The following PLCB1 variants were observed in gnomAD, a reference collection of about 807,000 sequenced individuals.
The protein encoded by PLCB1 is 1-phosphatidylinositol 4,5-bisphosphate phosphodiesterase beta-1.
A neutral mutation model predicts 161.8 loss-of-function variants in PLCB1; 46 were observed. The ratio of observed to expected loss-of-function variants is 0.28; its 90% CI spans 0.22 to 0.36. The LOEUF is 0.36. Ranked by LOEUF, PLCB1 falls within the 10% of genes least tolerant of loss-of-function variation. The probability of loss-of-function intolerance (pLI) is 1.00; values close to 1 mark genes in which losing one functional copy is unlikely to be tolerated. For synonymous variants in PLCB1, 517 were observed against 503.7 expected, an observed-to-expected ratio of 1.03 and a Z score of -0.35; for missense variants, 1,016 against 1,472.5, an observed-to-expected ratio of 0.69 and a Z score of 5.07.
chr20:8,354,342 A>G (rs1419972266), intron 2 of PLCB1, among the ~76,000 whole-genome samples: 12 of 152,204 alleles, frequency 7.9e-5, no homozygotes, highest in African/African-American at 2.4e-4. Flanking sequence ...ACAAAATCTA[A>G]AAGTGGACCA....
At chr20:8,863,931 G>T (rs576926562) in intron 31 of PLCB1, among the ~76,000 whole-genome samples, 1 of 152,126 alleles carries the variant, frequency 6.6e-6, no homozygotes, top group Non-Finnish European at 1.5e-5. Context: ...GATTAAGTTG[G>T]TAGGGTTTCT....
At chr20:8,190,666 C>A (rs2051959797) in intron 2 of PLCB1, among the ~76,000 whole-genome samples, 1 of 152,080 alleles carries the variant, frequency 6.6e-6, no homozygotes, top group Non-Finnish European at 1.5e-5. Context: ...GCCTTCTATT[C>A]TCAGGGCCCA....
chr20:8,538,320 TG>T (rs913312749), intron 3 of PLCB1, among the ~76,000 whole-genome samples: 148 of 152,354 alleles, frequency 9.7e-4, no homozygotes, highest in African/African-American at 3.4e-3. Context: ...AGCATTATTT[TG>T]CTTTCTTTGT....
chr20:8,620,520 A>G (rs2123195333), intron 3 of PLCB1, among the ~76,000 whole-genome samples: 1 of 152,144 alleles, frequency 6.6e-6, no homozygotes, highest in East Asian at 1.9e-4. Flanking sequence ...TGGACAGATC[A>G]CTTGAGGCCA....
At chr20:8,710,608 G>A (rs1043020878) in intron 12 of PLCB1, among the ~76,000 whole-genome samples, 30 of 136,780 alleles carry the variant, frequency 2.2e-4, no homozygotes, top group African/African-American at 7.9e-4. Context: ...TCCATCTCCC[G>A]AGTTCAAGCA....
chr20:8,733,605 C>T (rs1004114184), intron 19 of PLCB1, among the ~76,000 whole-genome samples: 1 of 138,050 alleles, frequency 7.2e-6, no homozygotes, highest in Non-Finnish European at 1.5e-5. Flanking sequence ...TGAATGCACA[C>T]GGGAAGGGGA....
chr20:8,310,032 T>A (rs1255092864), intron 2 of PLCB1, among the ~76,000 whole-genome samples: 4 of 152,180 alleles, frequency 2.6e-5, no homozygotes, highest in Admixed American at 2.0e-4. Context: ...TTTTCTTTTT[T>A]TTTTCAACTA....
intron 2 of PLCB1, among the ~76,000 whole-genome samples, chr20:8,319,495 C>T (rs1266711803): frequency 6.6e-6 from 1 of 151,626 alleles, no homozygotes; most frequent in Non-Finnish European, 1.5e-5. Context: ...CTCAGCATGA[C>T]ACACTGTCAC....
intron 31 of PLCB1, among the ~76,000 whole-genome samples, chr20:8,804,576 T>C (rs1030008810): frequency 6.6e-6 from 1 of 152,236 alleles, no homozygotes; most frequent in African/African-American, 2.4e-5. Context: ...TAATAGTGTA[T>C]GGAAAAAAGA....
At chr20:8,465,082 A>G (rs1452697648) in intron 3 of PLCB1, among the ~76,000 whole-genome samples, 1 of 152,110 alleles carries the variant, frequency 6.6e-6, no homozygotes, top group African/African-American at 2.4e-5. Context: ...TCCTATATCT[A>G]TTAGAATTAT....
chr20:8,312,449 C>T (rs1293929489), intron 2 of PLCB1, among the ~76,000 whole-genome samples: 1 of 152,114 alleles, frequency 6.6e-6, no homozygotes, highest in African/African-American at 2.4e-5. Flanking sequence ...TCAAGGCTTG[C>T]ATCTAAGACA....
intron 3 of PLCB1, among the ~76,000 whole-genome samples, chr20:8,389,717 C>T (rs1333185356): frequency 6.6e-6 from 1 of 152,142 alleles, no homozygotes; most frequent in Non-Finnish European, 1.5e-5. Flanking sequence ...ATTAATTCTA[C>T]ATAGTGAACT....
At chr20:8,133,951 T>G (rs2051317848) in intron 1 of PLCB1, among the ~76,000 whole-genome samples, 1 of 152,220 alleles carries the variant, frequency 6.6e-6, no homozygotes, top group African/African-American at 2.4e-5. Context: ...TTCCAGGTAG[T>G]GAATCCAATT....
At chr20:8,324,752 G>C (rs570238157) in intron 2 of PLCB1, among the ~76,000 whole-genome samples, 1 of 152,194 alleles carries the variant, frequency 6.6e-6, no homozygotes, top group East Asian at 1.9e-4. Flanking sequence ...TGTTATTTTG[G>C]TCTCATGAAT....
At chr20:8,604,742 A>G (rs1161553212) in intron 3 of PLCB1, among the ~76,000 whole-genome samples, 1 of 152,196 alleles carries the variant, frequency 6.6e-6, no homozygotes, top group East Asian at 1.9e-4. Context: ...ATGTTGGGCA[A>G]TTCAAGAGGT....
intron 3 of PLCB1, among the ~76,000 whole-genome samples, chr20:8,509,553 A>G (rs1362637067): frequency 1.3e-5 from 2 of 152,170 alleles, no homozygotes; most frequent in African/African-American, 4.8e-5. Context: ...GTAAAGAGAG[A>G]GTGGATATTT....
chr20:8,827,796 A>G (rs939833370), intron 31 of PLCB1, among the ~76,000 whole-genome samples: 2 of 152,270 alleles, frequency 1.3e-5, no homozygotes, highest in African/African-American at 4.8e-5. Flanking sequence ...ACGAAGAAGA[A>G]TATTTTAGAG....
chr20:8,275,642 T>C (rs1470618078), intron 2 of PLCB1, among the ~76,000 whole-genome samples: 1 of 152,190 alleles, frequency 6.6e-6, no homozygotes, highest in East Asian at 1.9e-4. Flanking sequence ...TTTATTTTGT[T>C]TATAACTGTT....
At chr20:8,751,333 T>C in intron 23 of PLCB1, 1 of 152,934 alleles carries the variant, frequency 6.5e-6, no homozygotes, top group Non-Finnish European at 1.5e-5. Flanking sequence ...TGAAAGGCCC[T>C]TCACTTACCA....
Sources: allele counts gnomAD v4.1 joint callset (sites outside exome capture counted in the v4.1 genomes callset), GRCh38; gene constraint gnomAD v4.1.1; transcripts MANE v1.5; gene names NCBI Gene and HGNC (gene_info 2026-07-23, HGNC 2026-07-21).